Variants in LPAR1 observed in about 807,000 individuals in gnomAD.
The protein encoded by LPAR1 is lysophosphatidic acid receptor 1.
Under a neutral mutation model 23.8 loss-of-function variants are expected in LPAR1, and 5 were observed. That is an observed-to-expected ratio of 0.21 (90% CI 0.11 to 0.44). The LOEUF is 0.44. LPAR1 is among the 20% of genes least tolerant of loss of function. The pLI, the probability that LPAR1 is intolerant of heterozygous loss-of-function variation, is 0.99. For synonymous variants in LPAR1, 160 were observed against 164.7 expected (o/e 0.97, Z 0.22); for missense variants, 311 against 482.8 (o/e 0.64, Z 3.33).
At chr9:110,989,751 A>G (rs2096861026) in intron 2 of LPAR1, among the ~76,000 whole-genome samples, 1 of 152,174 alleles carries the variant, frequency 6.6e-6, no homozygotes, top group Admixed American at 6.5e-5. Context: ...ACACATATAT[A>G]TACACTCATT....
intron 5 of LPAR1, among the ~76,000 whole-genome samples, chr9:110,936,601 T>C (rs1175723347): frequency 6.6e-6 from 1 of 152,220 alleles, no homozygotes; most frequent in Admixed American, 6.5e-5. Flanking sequence ...TAGGGCCGCA[T>C]ACTGACCCTA....
In LPAR1 at chr9:110,895,642, T is replaced by C. The variant is rs553873542; in HGVS notation, c.794-19920A>G. ...CAGGTCACAGTTCAGGAGGGTCTGT[T>C]GGAGACTTATCAGACAACAGCACTG... On this transcript the variant is annotated intron_variant, in intron 5 of 5. Coordinates refer to ENST00000683809, the MANE Select transcript of LPAR1 (RefSeq NM_001351411.2). 3.9e-5 allele frequency among the ~76,000 whole-genome samples: 6 copies of C among 152,182 alleles called. No individual in the cohort carries two copies. The South Asian group carries it at 1.2e-3, about 32-fold the overall frequency.
At chr9:110,964,524 A>C (rs2096126215) in intron 4 of LPAR1, among the ~76,000 whole-genome samples, 1 of 152,198 alleles carries the variant, frequency 6.6e-6, no homozygotes, top group Non-Finnish European at 1.5e-5. Flanking sequence ...TTCATCCCCC[A>C]AAAAAGGAGC....
At chr9:111,025,543 T>G (rs1026186358) in intron 2 of LPAR1, among the ~76,000 whole-genome samples, 2 of 152,220 alleles carry the variant, frequency 1.3e-5, no homozygotes, top group African/African-American at 4.8e-5. Flanking sequence ...AGAAGCTCTT[T>G]AGTTTAATTA....
chr9:110,980,147 CA>C (rs2138894769), intron 2 of LPAR1, among the ~76,000 whole-genome samples: 1 of 152,122 alleles, frequency 6.6e-6, no homozygotes, highest in South Asian at 2.1e-4. Flanking sequence ...AAAGGAGGTT[CA>C]GGATGGGAGT....
At chr9:110,958,376 C>T (rs1019864284) in intron 4 of LPAR1, among the ~76,000 whole-genome samples, 1 of 152,142 alleles carries the variant, frequency 6.6e-6, no homozygotes, top group Non-Finnish European at 1.5e-5. Flanking sequence ...GGTATAAAAA[C>T]AGACACATAG....
chr9:111,007,538 TAA>T (rs1293026664), intron 2 of LPAR1, among the ~76,000 whole-genome samples: 1 of 152,152 alleles, frequency 6.6e-6, no homozygotes, highest in Non-Finnish European at 1.5e-5. Context: ...GTGCCTAACT[TAA>T]AGTGATTAAA....
At chr9:110,914,867 G>A (rs932727607) in intron 5 of LPAR1, among the ~76,000 whole-genome samples, 6 of 151,890 alleles carry the variant, frequency 4.0e-5, no homozygotes, top group East Asian at 1.9e-4. Flanking sequence ...TTTAGCTCTC[G>A]AGCTAAGACA....
chr9:110,953,385 C>G (rs1019727740), intron 4 of LPAR1, among the ~76,000 whole-genome samples: 1 of 152,162 alleles, frequency 6.6e-6, no homozygotes. Context: ...ACACATAGTC[C>G]GGGCGTAGTG....
intron 5 of LPAR1, among the ~76,000 whole-genome samples, chr9:110,886,256 C>A (rs1215802371): frequency 6.7e-6 from 1 of 148,184 alleles, no homozygotes; most frequent in Non-Finnish European, 1.5e-5. Context: ...CCCAGCCACT[C>A]AGGAGGCTGA....
intron 4 of LPAR1, among the ~76,000 whole-genome samples, chr9:110,943,838 T>A (rs1588461269): frequency 8.7e-6 from 1 of 114,422 alleles, no homozygotes; most frequent in Admixed American, 1.1e-4. Flanking sequence ...CCAGCCTGAG[T>A]AACAAAGCAA....
intron 2 of LPAR1, among the ~76,000 whole-genome samples, chr9:111,015,953 CTTCTGGCTTAGGCTATAA>C (rs976863947): frequency 2.6e-5 from 4 of 151,852 alleles, no homozygotes; most frequent in African/African-American, 9.7e-5. Flanking sequence ...CCTTCAGGTA[CTTCTGGCTTAGGCTATAA>C]TTCACCTTGC....
At chr9:110,936,660 G>A (rs1002558983) in intron 5 of LPAR1, among the ~76,000 whole-genome samples, 2 of 152,130 alleles carry the variant, frequency 1.3e-5, no homozygotes, top group Admixed American at 6.5e-5. Context: ...CATGGTGATC[G>A]TTTCCAACCA....
At chr9:110,898,855 A>T (rs1003224879) in intron 5 of LPAR1, among the ~76,000 whole-genome samples, 12 of 152,190 alleles carry the variant, frequency 7.9e-5, no homozygotes, top group Non-Finnish European at 1.6e-4. Context: ...CTTTCACGTA[A>T]TGTGTGTCAC....
intron 2 of LPAR1, among the ~76,000 whole-genome samples, chr9:110,982,965 A>G (rs1299015907): frequency 6.6e-6 from 1 of 151,938 alleles, no homozygotes; most frequent in East Asian, 1.9e-4. Flanking sequence ...TCAAAATAGT[A>G]AGATAACATC....
chr9:110,878,154 C>T (rs954725383), intron 5 of LPAR1, among the ~76,000 whole-genome samples: 14 of 152,102 alleles, frequency 9.2e-5, no homozygotes, highest in Admixed American at 8.5e-4. Flanking sequence ...TTAAGCCCAA[C>T]CACACAGTCC....
At chr9:111,026,965 C>T (rs1263982120) in intron 2 of LPAR1, among the ~76,000 whole-genome samples, 1 of 152,182 alleles carries the variant, frequency 6.6e-6, no homozygotes, top group South Asian at 2.1e-4. Context: ...CAATGTTCAT[C>T]AGGGATATTG....
At chr9:110,905,509 G>T (rs1370247635) in intron 5 of LPAR1, among the ~76,000 whole-genome samples, 2 of 151,748 alleles carry the variant, frequency 1.3e-5, no homozygotes, top group East Asian at 3.9e-4. Context: ...ACCACACTCA[G>T]CTAATTTTTT....
intron 2 of LPAR1, among the ~76,000 whole-genome samples, chr9:111,026,147 T>G (rs561797516): frequency 7.0e-4 from 107 of 152,362 alleles, no homozygotes; most frequent in African/African-American, 2.5e-3. Context: ...ATATTGATTC[T>G]TCCTATCCAT....
Sources: allele counts gnomAD v4.1 joint callset (sites outside exome capture counted in the v4.1 genomes callset), GRCh38; gene constraint gnomAD v4.1.1; transcripts MANE v1.5; gene names NCBI Gene and HGNC (gene_info 2026-07-23, HGNC 2026-07-21).